Variants in MDGA2 observed in about 807,000 individuals in gnomAD.
MDGA2 encodes MAM domain-containing glycosylphosphatidylinositol anchor protein 2.
In MDGA2, 40 loss-of-function variants were observed where a neutral mutation model predicts 117.8. The ratio of observed to expected loss-of-function variants is 0.34; its 90% CI spans 0.26 to 0.44. The LOEUF is 0.44. Ranked by LOEUF, MDGA2 falls within the 20% of genes least tolerant of loss-of-function variation. MDGA2 has a pLI of 1.00. For synonymous variants in MDGA2, 452 were observed against 439.0 expected, an observed-to-expected ratio of 1.03 and a Z score of -0.37; for missense variants, 1,123 against 1,250.6, an observed-to-expected ratio of 0.90 and a Z score of 1.54.
chr14:47,254,016 T>C (rs1050934334), intron 2 of MDGA2, among the ~76,000 whole-genome samples: 1 of 152,192 alleles, frequency 6.6e-6, no homozygotes, highest in South Asian at 2.1e-4. Context: ...CTTTTAGCCA[T>C]GGCTGGAGCT....
intron 1 of MDGA2, among the ~76,000 whole-genome samples, chr14:47,668,925 C>G (rs1485368954): frequency 6.6e-6 from 1 of 152,068 alleles, no homozygotes; most frequent in Non-Finnish European, 1.5e-5. Flanking sequence ...AACCTTGAGC[C>G]CAACCCTTGC....
intron 9 of MDGA2, among the ~76,000 whole-genome samples, chr14:46,947,681 T>C (rs555727694): frequency 1.3e-5 from 2 of 152,174 alleles, no homozygotes; most frequent in South Asian, 4.1e-4. Context: ...CATGACTTGC[T>C]CCTCCTTGCC....
chr14:47,191,978 C>A (rs17118145), intron 3 of MDGA2, among the ~76,000 whole-genome samples: 14,251 of 152,102 alleles, frequency 0.094, 812 homozygotes, highest in African/African-American at 0.15. Context: ...ACTGCTTGCA[C>A]CTTAGTGAGC....
chr14:47,053,819 G>C (rs1315446723), intron 7 of MDGA2, among the ~76,000 whole-genome samples: 1 of 151,568 alleles, frequency 6.6e-6, no homozygotes, highest in Non-Finnish European at 1.5e-5. Context: ...TTCTCTGCTG[G>C]TTATTTCGCT....
At chr14:47,536,569 C>T (rs1895215152) in intron 1 of MDGA2, among the ~76,000 whole-genome samples, 1 of 152,154 alleles carries the variant, frequency 6.6e-6, no homozygotes, top group Admixed American at 6.5e-5. Context: ...CCAGTTTTAA[C>T]AATGGAGAAG....
intron 8 of MDGA2, among the ~76,000 whole-genome samples, chr14:46,961,565 G>A (rs1479881337): frequency 6.6e-6 from 1 of 151,062 alleles, no homozygotes; most frequent in Non-Finnish European, 1.5e-5. Context: ...CCACTTTTTT[G>A]TATGTTTCCA....
chr14:47,467,547 A>G (rs1893629608), intron 1 of MDGA2, among the ~76,000 whole-genome samples: 1 of 152,080 alleles, frequency 6.6e-6, no homozygotes, highest in South Asian at 2.1e-4. Flanking sequence ...ATAATTTTCA[A>G]CACCCAGAAG....
chr14:46,880,796 C>G (rs1339111612), intron 11 of MDGA2, among the ~76,000 whole-genome samples: 1 of 129,600 alleles, frequency 7.7e-6, no homozygotes, highest in Non-Finnish European at 1.6e-5. Context: ...AAGCAAAATC[C>G]CGTCTCCAAA....
Position 46,845,927 on chromosome 14 carries a change from T to C in MDGA2, c.2884-56A>G, listed in dbSNP as rs960813783. ...TGGAGCTTTGATTTGCAGATCAGTT[T>C]CTCTTGAGAAATCAAGGTGACAAAA... On this transcript the variant is annotated intron_variant, in intron 15 of 16. Coordinates refer to ENST00000399232, the MANE Select transcript of MDGA2 (RefSeq NM_001113498.3). The C allele has an allele frequency of 1.4e-4, 171 of 1,261,602 alleles. 1 individual carries two copies. Among genetic ancestry groups the C allele is most frequent in the Non-Finnish European group, 1.2e-4 (100 of 867,744 alleles). 78.2% of individuals were successfully genotyped at this position (1,261,602 alleles called of 1,614,324 possible).
intron 1 of MDGA2, among the ~76,000 whole-genome samples, chr14:47,521,580 G>A (rs1047667169): frequency 5.3e-5 from 8 of 152,080 alleles, no homozygotes; most frequent in African/African-American, 1.9e-4. Context: ...AATATGAGAT[G>A]GGATCATACA....
At chr14:46,864,603 C>CAA (rs61055938) in intron 14 of MDGA2, among the ~76,000 whole-genome samples, 6 of 73,416 alleles carry the variant, frequency 8.2e-5, no homozygotes, top group South Asian at 1.1e-3. Flanking sequence ...AACCCTGTGT[C>CAA]AAAAAAAAAA....
chr14:47,349,177 C>G (rs765885875), intron 1 of MDGA2, among the ~76,000 whole-genome samples: 1 of 152,082 alleles, frequency 6.6e-6, no homozygotes, highest in Non-Finnish European at 1.5e-5. Flanking sequence ...AGAAATACAA[C>G]GTGATAGGGA....
At chr14:47,174,506 G>C (rs1019903733) in intron 3 of MDGA2, among the ~76,000 whole-genome samples, 3 of 152,022 alleles carry the variant, frequency 2.0e-5, no homozygotes, top group Non-Finnish European at 4.4e-5. Flanking sequence ...ACTCAAAACC[G>C]CTCAACAACA....
At chr14:47,110,166 C>CA (rs5808381) in intron 5 of MDGA2, among the ~76,000 whole-genome samples, 31,295 of 146,816 alleles carry the variant, frequency 0.21, 3,380 homozygotes, top group East Asian at 0.51. Flanking sequence ...GCACCACTCC[C>CA]AAAAAAAAAA....
At chr14:47,246,837 A>ACACACACACG (rs1887255184) in intron 2 of MDGA2, among the ~76,000 whole-genome samples, 3 of 149,314 alleles carry the variant, frequency 2.0e-5, no homozygotes, top group African/African-American at 2.5e-5. Flanking sequence ...ACACACACTC[A>ACACACACACG]GACGTATCAA....
At chr14:47,520,311 A>G (rs145750749) in intron 1 of MDGA2, among the ~76,000 whole-genome samples, 7 of 152,272 alleles carry the variant, frequency 4.6e-5, no homozygotes, top group African/African-American at 1.7e-4. Context: ...ATCAAGCTAA[A>G]TGCAATGGAT....
intron 5 of MDGA2, among the ~76,000 whole-genome samples, chr14:47,122,302 T>G (rs1489679247): frequency 6.6e-6 from 1 of 151,780 alleles, no homozygotes; most frequent in Non-Finnish European, 1.5e-5. Context: ...TTAGGTAGAG[T>G]TGTTTAAGGC....
At chr14:47,116,655 T>C (rs551868994) in intron 5 of MDGA2, among the ~76,000 whole-genome samples, 9 of 152,176 alleles carry the variant, frequency 5.9e-5, no homozygotes, top group African/African-American at 1.4e-4. Context: ...GGGAAAAAGA[T>C]AGTCTCCTAG....
In MDGA2 at chr14:46,874,097, T is replaced by C; in HGVS notation, c.2541A>G (p.Thr847=). The C allele has an allele frequency of 1.9e-6, 3 of 1,560,750 alleles. No homozygotes were observed. Among genetic ancestry groups the C allele is most frequent in the Non-Finnish European group, 1.7e-6 (2 of 1,155,450 alleles). The change falls in exon 13 of 17, where the codon ACA becomes ACG. Residue 847 remains threonine (T), a synonymous_variant. Coordinates refer to ENST00000399232, the MANE Select transcript of MDGA2 (RefSeq NM_001113498.3). ...WTKQSTATRN[T]KYTPNTGPNA... is the part of the protein sequence containing the mutation. ...TAGGTCCTGTATTAGGAGTATATTT[T>C]GTATTTCTTGTTGCTGTACTTTGCT...
Sources: allele counts gnomAD v4.1 joint callset (sites outside exome capture counted in the v4.1 genomes callset), GRCh38; gene constraint gnomAD v4.1.1; transcripts MANE v1.5; gene names NCBI Gene and HGNC (gene_info 2026-07-23, HGNC 2026-07-21).